Variants in TENT2 observed in about 807,000 individuals in gnomAD.
TENT2 encodes the protein poly(A) RNA polymerase GLD2.
TENT2 carries 44 observed loss-of-function variants against 72.2 expected under a neutral mutation model. The ratio of observed to expected loss-of-function variants is 0.61; its 90% CI spans 0.48 to 0.78. TENT2 has a LOEUF of 0.78. Among genes scored for constraint, TENT2 ranks in the 30% least tolerant of loss-of-function variants. The pLI is 0.00. For missense variants in TENT2, 541 were observed against 569.6 expected, an observed-to-expected ratio of 0.95 and a Z score of 0.51; for synonymous variants, 212 against 192.5, an observed-to-expected ratio of 1.10 and a Z score of -0.84.
Position 79,645,157 on chromosome 5 carries a change from A to C in TENT2, c.786A>C (p.Ala262=). Residue 262 remains alanine, a synonymous_variant, in exon 8 of 15, where the codon GCA becomes GCC. Coordinates refer to ENST00000453514, the MANE Select transcript of TENT2 (RefSeq NM_001114394.3). ...GYIERPQLIR[A]KVPIVKFRDK... The stretch of plus-strand genomic sequence containing the variant: ...TTGAGAGACCTCAGCTGATTCGAGC[A>C]AAAGTGCCAATTGTGAAGTTCAGGG... 6.2e-7 allele frequency: 1 copy of C among 1,609,204 alleles called. No homozygotes were observed. Among genetic ancestry groups the C allele is most frequent in the African/African-American group, 1.3e-5 (1 of 74,702 alleles).
At chr5:79,677,826 G>T (rs1818384606) in intron 12 of TENT2, among the ~76,000 whole-genome samples, 1 of 152,044 alleles carries the variant, frequency 6.6e-6, no homozygotes, top group African/African-American at 2.4e-5. Context: ...TTAAGATAGG[G>T]TCTCACTTTG....
At chr5:79,675,998 A>T (rs1420669933) in intron 12 of TENT2, among the ~76,000 whole-genome samples, 2 of 151,472 alleles carry the variant, frequency 1.3e-5, no homozygotes, top group East Asian at 3.9e-4. Flanking sequence ...TCAAAACAGA[A>T]CTCTAGGATT....
rs1013172914 is a variant in TENT2, at chr5:79,612,464, G to T, written c.-649G>T. ...TCATCCGGGGTCACGTCGGTCTTCC[G>T]GGTGTCTTTGACAGGGTTTTCTACG... is the stretch of plus-strand genomic sequence containing the variant. On this transcript the variant is annotated 5_prime_UTR_variant, in exon 1 of 15. Coordinates refer to ENST00000453514, the MANE Select transcript of TENT2 (RefSeq NM_001114394.3). 1 of 152,088 alleles carries T rather than the reference G, an allele frequency of 6.6e-6. No homozygotes were observed. Among genetic ancestry groups the T allele is most frequent in the Admixed American group, 6.6e-5 (1 of 15,206 alleles). The allele number at this position is 152,088 out of a possible 1,614,324, so 9.4% of individuals were successfully genotyped here.
chr5:79,643,456 G>T (rs939392095), intron 7 of TENT2, among the ~76,000 whole-genome samples: 13 of 152,150 alleles, frequency 8.5e-5, no homozygotes, highest in African/African-American at 3.1e-4. Context: ...TAATCCACAT[G>T]TTAAGCCATC....
intron 10 of TENT2, among the ~76,000 whole-genome samples, chr5:79,650,747 A>G (rs1328845071): frequency 1.3e-5 from 2 of 152,018 alleles, no homozygotes; most frequent in African/African-American, 2.4e-5. Flanking sequence ...TGGGGATTAC[A>G]ATTTTGTTAA....
chr5:79,671,032 AG>A (rs1162149784), intron 12 of TENT2, among the ~76,000 whole-genome samples: 2 of 152,140 alleles, frequency 1.3e-5, no homozygotes, highest in African/African-American at 4.8e-5. Flanking sequence ...CACAGAACAA[AG>A]ATAACTTTTT....
At chr5:79,670,783 G>A (rs2150701760) in intron 12 of TENT2, among the ~76,000 whole-genome samples, 1 of 149,992 alleles carries the variant, frequency 6.7e-6, no homozygotes, top group East Asian at 2.0e-4. Flanking sequence ...GTGTGCTGTA[G>A]TAAGCTGAGT....
At chr5:79,685,143 G>A in intron 14 of TENT2, 56 bp from the exon 15 acceptor site, 1 of 1,236,162 alleles carries the variant, frequency 8.1e-7, no homozygotes. Flanking sequence ...TAAACTCTCA[G>A]TCTTTTGTTC....
intron 11 of TENT2, among the ~76,000 whole-genome samples, chr5:79,659,600 C>A: frequency 1.2e-5 from 1 of 82,816 alleles, no homozygotes; most frequent in African/African-American, 4.0e-5. Context: ...ATATAATAGC[C>A]ATCGTTTATT....
intron 1 of TENT2, among the ~76,000 whole-genome samples, chr5:79,617,148 A>G (rs572565777): frequency 2.0e-5 from 3 of 151,714 alleles, no homozygotes; most frequent in Non-Finnish European, 4.4e-5. Flanking sequence ...AAAAAAGAAT[A>G]AAGCTTCTAT....
At position 79,613,020 on chromosome 5, in the gene TENT2, A is replaced by G. The variant is rs1320212585; in HGVS notation, c.-93A>G. The G allele has an allele frequency of 6.6e-6, 1 of 152,214 alleles. No individual in the cohort carries two copies. The highest frequency in any genetic ancestry group is 2.4e-5 in the African/African-American group (1 of 41,436). 9.4% of individuals were successfully genotyped at this position (152,214 alleles called of 1,614,324 possible). A position where few individuals can be genotyped will look rare whatever the true frequency, so the allele number is the denominator to read the frequency against. ...TCGTCCACCACTCCAGGACCAAAAG[A>G]GGAAGATAGTCTTGGGACCCTTGCA... On this transcript the variant is annotated 5_prime_UTR_variant, in exon 1 of 15. Transcript: ENST00000453514.
At chr5:79,632,681 G>T (rs1259898410) in intron 4 of TENT2, among the ~76,000 whole-genome samples, 1 of 152,036 alleles carries the variant, frequency 6.6e-6, no homozygotes, top group African/African-American at 2.4e-5. Context: ...TTGAGAAGGG[G>T]CAAATTTTAT....
At chr5:79,666,831 C>T (rs1198358131) in intron 11 of TENT2, among the ~76,000 whole-genome samples, 1 of 152,018 alleles carries the variant, frequency 6.6e-6, no homozygotes, top group Non-Finnish European at 1.5e-5. Context: ...CTTGGCCTCC[C>T]AAAGTGCTGG....
rs915378528 is a variant in TENT2, at chr5:79,687,079, G to C, written c.*1806G>C. ...AAACCCCAGAATTTACCATGGTGTG[G>C]GTTCCTTCACTGTCACTGTTTTCTC... On this transcript the variant is annotated 3_prime_UTR_variant, in exon 15 of 15. Coordinates refer to ENST00000453514, the MANE Select transcript of TENT2 (RefSeq NM_001114394.3). Among the ~76,000 whole-genome samples the C allele has an allele frequency of 1.3e-5, 2 of 151,996 alleles. No individual in the cohort carries two copies. Among genetic ancestry groups the C allele is most frequent in the Admixed American group, 6.6e-5 (1 of 15,258 alleles).
chr5:79,642,797 G>A, intron 6 of TENT2, 35 bp from the exon 7 acceptor site: 1 of 1,513,176 alleles, frequency 6.6e-7, no homozygotes, highest in South Asian at 1.2e-5. Flanking sequence ...AACTTAGAAA[G>A]ATAATGAAAA....
chr5:79,677,130 G>T (rs1817897890), intron 12 of TENT2, among the ~76,000 whole-genome samples: 1 of 152,154 alleles, frequency 6.6e-6, no homozygotes, highest in Non-Finnish European at 1.5e-5. Flanking sequence ...ACGTTTTAAT[G>T]ATTTGAAATG....
chr5:79,647,200 C>A (rs1382988627), intron 8 of TENT2, among the ~76,000 whole-genome samples: 1 of 152,130 alleles, frequency 6.6e-6, no homozygotes, highest in South Asian at 2.1e-4. Context: ...CTTAACCATT[C>A]TCCTGTATTT....
chr5:79,641,461 A>T (rs1207065090), intron 6 of TENT2, among the ~76,000 whole-genome samples: 7 of 148,848 alleles, frequency 4.7e-5, no homozygotes, highest in Admixed American at 3.3e-4. Context: ...CAAGAGCTCT[A>T]CCTCTGTTTT....
chr5:79,663,335 G>A lies in TENT2; in HGVS notation c.1072-5557G>A, dbSNP rs142612203. ...CTTCAAGAACTTTTCCTTTGCATTC[G>A]CAGCCTGGCTGTCTTTGGTGCAAGA... is the stretch of plus-strand genomic sequence containing the variant. On this transcript the variant is annotated intron_variant, in intron 11 of 14. Coordinates refer to ENST00000453514, the MANE Select transcript of TENT2 (RefSeq NM_001114394.3). 2.3e-3 allele frequency among the ~76,000 whole-genome samples: 346 copies of A among 152,228 alleles called. 1 individual carries two copies. The highest frequency in any genetic ancestry group is 8.1e-3 in the African/African-American group (335 of 41,554).
Sources: allele counts gnomAD v4.1 joint callset (sites outside exome capture counted in the v4.1 genomes callset), GRCh38; gene constraint gnomAD v4.1.1; transcripts MANE v1.5; gene names NCBI Gene and HGNC (gene_info 2026-07-23, HGNC 2026-07-21).